The following AKAP9 variants were observed in gnomAD, a reference collection of about 807,000 sequenced individuals.
AKAP9 encodes A-kinase anchoring protein 9.
Under a neutral mutation model 488.5 loss-of-function variants are expected in AKAP9, and 311 were observed. The ratio of observed to expected loss-of-function variants is 0.64; its 90% CI spans 0.58 to 0.70. The LOEUF is 0.70. Ranked by LOEUF, AKAP9 falls within the 30% of genes least tolerant of loss-of-function variation. AKAP9 has a pLI of 0.00. For synonymous variants in AKAP9, 1,462 were observed against 1,483.5 expected (o/e 0.99, Z 0.33); for missense variants, 4,215 against 4,374.5 (o/e 0.96, Z 1.03).
intron 8 of AKAP9, among the ~76,000 whole-genome samples, chr7:92,009,955 C>G (rs559469427): frequency 6.6e-6 from 1 of 152,182 alleles, no homozygotes; most frequent in Non-Finnish European, 1.5e-5. Flanking sequence ...TCACATTTCA[C>G]TATGGCTGCA....
chr7:92,055,471 G>A (rs1808631993), intron 22 of AKAP9, among the ~76,000 whole-genome samples: 1 of 151,968 alleles, frequency 6.6e-6, no homozygotes, highest in Non-Finnish European at 1.5e-5. Context: ...CAACAAAAGT[G>A]TTTTACAGTT....
At chr7:92,071,234 T>C (rs1324334507) in intron 28 of AKAP9, among the ~76,000 whole-genome samples, 8 of 152,136 alleles carry the variant, frequency 5.3e-5, no homozygotes, top group African/African-American at 1.4e-4. Flanking sequence ...TGTAAAGGCC[T>C]TGAAGCAGGA....
At chr7:91,992,524 CATGGT>C (rs1797881274) in intron 4 of AKAP9, among the ~76,000 whole-genome samples, 1 of 151,830 alleles carries the variant, frequency 6.6e-6, no homozygotes, top group African/African-American at 2.4e-5. Flanking sequence ...ATTAGCCGGG[CATGGT>C]GGCAGCCGCC....
intron 7 of AKAP9, among the ~76,000 whole-genome samples, chr7:91,997,445 A>C (rs1448397419): frequency 6.6e-6 from 1 of 152,238 alleles, no homozygotes; most frequent in Non-Finnish European, 1.5e-5. Flanking sequence ...TTTCCCCAAC[A>C]ATTGGCCTAA....
intron 12 of AKAP9, among the ~76,000 whole-genome samples, chr7:92,017,818 C>CTT (rs1352296261): frequency 2.0e-5 from 3 of 152,152 alleles, no homozygotes; most frequent in African/African-American, 7.2e-5. Flanking sequence ...CCTGTTTCTT[C>CTT]TTGCCTACTC....
At chr7:92,023,104 C>T in intron 14 of AKAP9, 95 bp downstream of exon 14, 1 of 1,324,968 alleles carries the variant, frequency 7.5e-7, no homozygotes, top group South Asian at 1.2e-5. Context: ...GTAACTTAAG[C>T]AAAGTTGCTG....
At chr7:91,996,061 T>G (rs1798370635) in intron 7 of AKAP9, 2 of 408,756 alleles carry the variant, frequency 4.9e-6, no homozygotes, top group Non-Finnish European at 8.6e-6. Flanking sequence ...TAGTTTTTTT[T>G]GTCATTTATA....
chr7:92,107,327 T>G lies in AKAP9; in HGVS notation c.11451T>G (p.Ser3817=). 1 of 1,613,980 alleles carries G rather than the reference T, an allele frequency of 6.2e-7. No homozygotes were observed. Among genetic ancestry groups the G allele is most frequent in the Non-Finnish European group, 8.5e-7 (1 of 1,179,922 alleles). ...AEKTDSFYHS[S]GGLELYGEPR... ...AGACTGACTCATTTTATCATTCTTCTGGTGGGCTGGAGTTATATGGAGAAC... is the reference window on the plus strand; with the variant it reads ...AGACTGACTCATTTTATCATTCTTCGGGTGGGCTGGAGTTATATGGAGAAC... Residue 3817 remains serine, a synonymous_variant, in exon 48 of 50, where the codon TCT becomes TCG. Coordinates refer to ENST00000356239, the MANE Select transcript of AKAP9 (RefSeq NM_005751.5).
intron 14 of AKAP9, among the ~76,000 whole-genome samples, chr7:92,023,256 T>G (rs926357212): frequency 3.3e-5 from 5 of 152,228 alleles, no homozygotes; most frequent in African/African-American, 1.2e-4. Context: ...AGATGTTGGT[T>G]GTTGTTAATC....
chr7:92,102,478 CTA>C (rs1467846341), intron 45 of AKAP9, 114 bp from the exon 46 acceptor site: 51 of 726,072 alleles, frequency 7.0e-5, no homozygotes, highest in Non-Finnish European at 1.0e-4. Context: ...ACTACTACTA[CTA>C]CTACTACTAC....
Position 92,045,142 on chromosome 7 carries a change from C to T in AKAP9, c.5297C>T (p.Ser1766Phe). 1 of 1,613,762 alleles carries T rather than the reference C, an allele frequency of 6.2e-7. No individual in the cohort carries two copies. Among genetic ancestry groups the T allele is most frequent in the Non-Finnish European group, 8.5e-7 (1 of 1,179,966 alleles). Reference sequence around the variant, plus strand: ...GATAGATCTAGTAAAAGCCAGTCATCTGCCAGCCTAATTTGGAGGTCAGAA... The same window carrying T: ...GATAGATCTAGTAAAAGCCAGTCATTTGCCAGCCTAATTTGGAGGTCAGAA... ...ILDRSSKSQSSASLIWRSEAE... is the reference protein window; with the variant it reads ...ILDRSSKSQSFASLIWRSEAE... Residue 1766 changes from serine (S) to phenylalanine (F), a missense_variant, in exon 21 of 50, where the codon TCT becomes TTT. Physicochemically the swap from Ser to Phe is radical, Grantham distance 155. Coordinates refer to ENST00000356239, the MANE Select transcript of AKAP9 (RefSeq NM_005751.5).
At chr7:92,063,600 G>A (rs1245392885) in intron 24 of AKAP9, 7 of 543,916 alleles carry the variant, frequency 1.3e-5, no homozygotes, top group Non-Finnish European at 1.6e-5. Flanking sequence ...CTCTAGTTTT[G>A]CAGTGTTGCT....
At chr7:92,043,588 T>C (rs1806481828) in intron 20 of AKAP9, among the ~76,000 whole-genome samples, 1 of 152,162 alleles carries the variant, frequency 6.6e-6, no homozygotes, top group African/African-American at 2.4e-5. Context: ...ATTATTCTAG[T>C]TCTGGGGTTT....
At chr7:92,034,835 T>C (rs1369429661) in intron 16 of AKAP9, among the ~76,000 whole-genome samples, 4 of 152,114 alleles carry the variant, frequency 2.6e-5, no homozygotes, top group Non-Finnish European at 5.9e-5. Flanking sequence ...CTGTGGCATC[T>C]GTAGTGTTAT....
intron 47 of AKAP9, 121 bp from the exon 48 acceptor site, chr7:92,107,172 A>T: frequency 1.0e-6 from 1 of 990,858 alleles, no homozygotes; most frequent in Non-Finnish European, 1.5e-6. Context: ...GAAAATGACT[A>T]TAAATAGGAG....
rs1449439204 is a variant in AKAP9, at chr7:92,079,744, A to G, written c.7611A>G (p.Gln2537=). The G allele has an allele frequency of 9.9e-6, 16 of 1,614,150 alleles. No homozygotes were observed. The highest frequency in any genetic ancestry group is 1.7e-4 in the Middle Eastern group (1 of 6,060). ...EQGQFETEML[Q]KKIVNLQKIV... Reference sequence around the variant, plus strand: ...GCCAGTTTGAAACAGAAATGCTTCAAAAGAAGATTGTAAACCTACAGAAAA... The same window carrying G: ...GCCAGTTTGAAACAGAAATGCTTCAGAAGAAGATTGTAAACCTACAGAAAA... The change falls in exon 31 of 50, where the codon CAA becomes CAG. Residue 2537 remains glutamine, a synonymous_variant. Coordinates refer to ENST00000356239, the MANE Select transcript of AKAP9 (RefSeq NM_005751.5).
Position 92,107,307 on chromosome 7 carries a change from G to A in AKAP9, c.11431G>A (p.Asp3811Asn). Reference sequence around the variant, plus strand: ...GGTTACTTTAGGTGCAGAAAAGACTGACTCATTTTATCATTCTTCTGGTGG... The same window carrying A: ...GGTTACTTTAGGTGCAGAAAAGACTAACTCATTTTATCATTCTTCTGGTGG... Reference protein sequence around the residue: ...FGLNQGAEKTDSFYHSSGGLE... With the variant: ...FGLNQGAEKTNSFYHSSGGLE... The change falls in exon 48 of 50, where the codon GAC (aspartate) becomes AAC (asparagine). Residue 3811 changes from aspartate to asparagine, a missense_variant. Transcript: ENST00000356239. 1 of 1,613,860 alleles carries A rather than the reference G, an allele frequency of 6.2e-7. No individual in the cohort carries two copies. The highest frequency in any genetic ancestry group is 8.5e-7 in the Non-Finnish European group (1 of 1,179,924).
chr7:92,099,452 T>A (rs1432625290), intron 43 of AKAP9, among the ~76,000 whole-genome samples: 1 of 152,210 alleles, frequency 6.6e-6, no homozygotes, highest in African/African-American at 2.4e-5. Context: ...CAATCTAGAC[T>A]TACCAGGCAA....
intron 33 of AKAP9, 71 bp downstream of exon 33, chr7:92,083,726 C>T: frequency 1.3e-6 from 2 of 1,522,216 alleles, no homozygotes; most frequent in Non-Finnish European, 1.8e-6. Flanking sequence ...CAGTTTAATT[C>T]ATTTTGTAGA....
Sources: allele counts gnomAD v4.1 joint callset (sites outside exome capture counted in the v4.1 genomes callset), GRCh38; gene constraint gnomAD v4.1.1; transcripts MANE v1.5; gene names NCBI Gene and HGNC (gene_info 2026-07-23, HGNC 2026-07-21).